The following RGPD1 variants were observed in gnomAD, a reference collection of about 807,000 sequenced individuals.
The protein encoded by RGPD1 is RANBP2 like and GRIP domain containing 1.
Under a neutral mutation model 40.6 loss-of-function variants are expected in RGPD1, and 7 were observed. That is an observed-to-expected ratio of 0.17 (90% CI 0.10 to 0.32). The LOEUF (loss-of-function observed/expected upper bound fraction) is 0.32. Ranked by LOEUF, RGPD1 falls within the 10% of genes least tolerant of loss-of-function variation. The pLI is 1.00. For missense variants in RGPD1, 50 were observed against 472.5 expected (o/e 0.11, Z 8.29); for synonymous variants, 24 against 167.0 (o/e 0.14, Z 6.60).
intron 1 of RGPD1, among the ~76,000 whole-genome samples, chr2:86,942,700 C>G (rs1185777438): frequency 1.4e-5 from 2 of 147,278 alleles, no homozygotes; most frequent in Non-Finnish European, 3.0e-5. Flanking sequence ...GCGGTGGCCT[C>G]GACGTGGCCC....
At chr2:86,944,874 C>A (rs1384728318) in intron 1 of RGPD1, among the ~76,000 whole-genome samples, 1 of 151,670 alleles carries the variant, frequency 6.6e-6, no homozygotes, top group East Asian at 2.0e-4. Context: ...AGGCATGCGC[C>A]ACCATGCCCG....
intron 1 of RGPD1, among the ~76,000 whole-genome samples, chr2:86,933,505 T>C (rs889381473): frequency 7.0e-6 from 1 of 142,844 alleles, no homozygotes; most frequent in African/African-American, 2.6e-5. Flanking sequence ...AAGGATTTAA[T>C]ATTCTTAAAT....
chr2:86,940,955 C>CT (rs1473529408), upstream of RGPD1, among the ~76,000 whole-genome samples: 4 of 152,008 alleles, frequency 2.6e-5, no homozygotes, highest in African/African-American at 9.7e-5. Flanking sequence ...TTTTTCTTTT[C>CT]TTTTATTCAC....
intron 1 of RGPD1, among the ~76,000 whole-genome samples, chr2:86,936,083 G>T (rs1310652915): frequency 7.5e-6 from 1 of 134,150 alleles, no homozygotes; most frequent in Admixed American, 7.3e-5. Flanking sequence ...TCGGCTCACT[G>T]CAAGCTCCAC....
At chr2:86,930,147 GGGGGCAGGGGTCAC>G in intron 1 of RGPD1, 1 of 1,461,804 alleles carries the variant, frequency 6.8e-7, no homozygotes, top group East Asian at 2.6e-5. Flanking sequence ...AGGGGGGTGT[GGGGGCAGGGGTCAC>G]CCCTGCCCCA....
intron 1 of RGPD1, among the ~76,000 whole-genome samples, chr2:86,924,385 G>A (rs1333099284): frequency 2.0e-5 from 3 of 150,264 alleles, no homozygotes; most frequent in Admixed American, 6.6e-5. Flanking sequence ...CAAACTCCTG[G>A]CCTCAATAAT....
At chr2:86,920,272 G>A (rs1446243406) in intron 1 of RGPD1, among the ~76,000 whole-genome samples, 1 of 151,554 alleles carries the variant, frequency 6.6e-6, no homozygotes, top group Non-Finnish European at 1.5e-5. Context: ...GTTTTGCCAT[G>A]TGGGCTATGC....
intron 4 of RGPD1, among the ~76,000 whole-genome samples, chr2:86,954,709 A>T (rs1680630128): frequency 6.8e-6 from 1 of 146,830 alleles, no homozygotes; most frequent in African/African-American, 2.5e-5. Flanking sequence ...CAACCTGTTT[A>T]ACCCGACCAA....
chr2:86,943,051 G>T (rs1216817203), intron 1 of RGPD1, among the ~76,000 whole-genome samples: 8 of 151,182 alleles, frequency 5.3e-5, no homozygotes, highest in Admixed American at 4.6e-4. Flanking sequence ...TATATGCTGC[G>T]GCGGAGGTCG....
At chr2:86,931,257 C>G (rs180962998) in intron 1 of RGPD1, among the ~76,000 whole-genome samples, 1 of 151,910 alleles carries the variant, frequency 6.6e-6, no homozygotes, top group East Asian at 1.9e-4. Context: ...TCACTGCTTT[C>G]ATTACTGACC....
chr2:86,925,476 C>T (rs554617089), intron 1 of RGPD1, among the ~76,000 whole-genome samples: 18 of 151,888 alleles, frequency 1.2e-4, no homozygotes, highest in Admixed American at 4.6e-4. Context: ...CCATGTTGGA[C>T]AGGCTGGTCT....
Position 87,013,763 on chromosome 2 carries a change from G to T in RGPD1, c.*1216G>T, listed in dbSNP as rs1682281734. On this transcript the variant is annotated 3_prime_UTR_variant, in exon 23 of 23. Transcript: ENST00000641458. ...TTAAAACAGTCCGGTGCCCACCTGGGTCCACATGCAGCTGGCAGGTGTTTG... is the reference window on the plus strand; with the variant it reads ...TTAAAACAGTCCGGTGCCCACCTGGTTCCACATGCAGCTGGCAGGTGTTTG... 1 of 11,062 alleles carries T rather than the reference G, an allele frequency of 9.0e-5. No individual in the cohort carries two copies. The highest frequency in any genetic ancestry group is 1.8e-4 in the Non-Finnish European group (1 of 5,576). 0.7% of individuals were successfully genotyped at this position (11,062 alleles called of 1,614,324 possible). A position where few individuals can be genotyped will look rare whatever the true frequency, so the allele number is the denominator to read the frequency against.
At chr2:86,934,767 G>C (rs1050998736) in intron 1 of RGPD1, 2 of 176,874 alleles carry the variant, frequency 1.1e-5, no homozygotes, top group African/African-American at 4.9e-5. Flanking sequence ...TGTCCTATTC[G>C]GCTGGTTTGA....
chr2:86,930,717 G>T (rs1273668650), intron 1 of RGPD1: 2 of 1,552,894 alleles, frequency 1.3e-6, no homozygotes, highest in South Asian at 2.3e-5. Flanking sequence ...TGCCCCCCAG[G>T]CCTCCTCGCT....
chr2:86,964,277 T>C (rs1240342885), intron 7 of RGPD1, among the ~76,000 whole-genome samples: 1 of 99,202 alleles, frequency 1.0e-5, no homozygotes, highest in African/African-American at 4.9e-5. Flanking sequence ...TCTCCTGACC[T>C]AGTCATCCAC....
intron 1 of RGPD1, among the ~76,000 whole-genome samples, chr2:86,943,276 C>G (rs184112667): frequency 1.9e-5 from 2 of 106,542 alleles, no homozygotes; most frequent in African/African-American, 7.0e-5. Context: ...CTCCCTCGCC[C>G]CCCCCCCACC....
chr2:86,915,227 C>T (rs183620309), intron 1 of RGPD1, among the ~76,000 whole-genome samples: 11 of 150,652 alleles, frequency 7.3e-5, no homozygotes, highest in Non-Finnish European at 1.5e-4. Context: ...ACCCAGAATG[C>T]GGAGGTTGCG....
chr2:86,941,152 C>G (rs2104753087), upstream of RGPD1, among the ~76,000 whole-genome samples: 1 of 152,280 alleles, frequency 6.6e-6, no homozygotes, highest in Non-Finnish European at 1.5e-5. Flanking sequence ...ATAATTAAGA[C>G]TGTAATGTTT....
intron 4 of RGPD1, among the ~76,000 whole-genome samples, chr2:86,954,874 G>T (rs1051987744): frequency 1.7e-5 from 2 of 121,002 alleles, no homozygotes; most frequent in Non-Finnish European, 3.5e-5. Flanking sequence ...CCCTTTTGTA[G>T]TCATGCTATT....
Sources: gnomAD v4.1 joint callset for allele counts (sites outside exome capture counted in the v4.1 genomes callset) on GRCh38, gnomAD v4.1.1 for gene constraint, MANE v1.5 for transcripts, NCBI Gene and HGNC (gene_info 2026-07-23, HGNC 2026-07-21) for gene names.